The following CHN2 variants were observed in gnomAD, a reference collection of about 807,000 sequenced individuals.
CHN2 encodes the protein beta-chimaerin.
CHN2 carries 35 observed loss-of-function variants against 56.3 expected under a neutral mutation model. That is an observed-to-expected ratio of 0.62 (90% CI 0.47 to 0.82). CHN2 has a LOEUF of 0.82. Among genes scored for constraint, CHN2 ranks in the 40% least tolerant of loss-of-function variants. CHN2 has a pLI of 0.00. For synonymous variants in CHN2, 210 were observed against 212.8 expected (o/e 0.99, Z 0.12); for missense variants, 491 against 580.5 (o/e 0.85, Z 1.58).
intron 1 of CHN2, among the ~76,000 whole-genome samples, chr7:29,219,932 G>A (rs1030166975): frequency 6.6e-5 from 10 of 151,988 alleles, no homozygotes; most frequent in African/African-American, 2.4e-4. Context: ...AAAATTAGCT[G>A]GGCGTGGTGG....
chr7:29,450,952 G>C (rs558698349), intron 6 of CHN2, among the ~76,000 whole-genome samples: 27 of 151,984 alleles, frequency 1.8e-4, no homozygotes, highest in Admixed American at 7.2e-4. Context: ...TTTATTTTTA[G>C]TAGAGATAGG....
At chr7:29,374,847 TCCTG>T (rs762332699) in intron 3 of CHN2, among the ~76,000 whole-genome samples, 3 of 145,540 alleles carry the variant, frequency 2.1e-5, no homozygotes, top group Non-Finnish European at 3.0e-5. Flanking sequence ...CTTCCTTCCT[TCCTG>T]CCTCCCTCCC....
In CHN2 at chr7:29,420,572, A is replaced by T. The variant is rs376442917; in HGVS notation, c.576+19744A>T. Among the ~76,000 whole-genome samples the T allele has an allele frequency of 2.7e-4, 41 of 152,318 alleles. No homozygotes were observed. The South Asian group carries it at 8.5e-3, about 32-fold the overall frequency. Reference sequence around the variant, plus strand: ...TTTATACTAAGACAAATACTGTCTTAATATGAGGTATCTAAAGCAGTCATA... The same window carrying T: ...TTTATACTAAGACAAATACTGTCTTTATATGAGGTATCTAAAGCAGTCATA... On this transcript the variant is annotated intron_variant, in intron 6 of 12. Coordinates refer to ENST00000222792, the MANE Select transcript of CHN2 (RefSeq NM_004067.4).
intron 6 of CHN2, among the ~76,000 whole-genome samples, chr7:29,457,081 T>C (rs1784820640): frequency 6.6e-6 from 1 of 152,200 alleles, no homozygotes; most frequent in African/African-American, 2.4e-5. Flanking sequence ...CATTCTGAGC[T>C]GTGGAATAGA....
chr7:29,248,766 C>G (rs76060611), intron 1 of CHN2, among the ~76,000 whole-genome samples: 41 of 152,276 alleles, frequency 2.7e-4, no homozygotes, highest in African/African-American at 9.9e-4. Context: ...TTCTCAGGCT[C>G]TACTTTGAGA....
intron 1 of CHN2, among the ~76,000 whole-genome samples, chr7:29,316,918 T>C (rs1480581660): frequency 6.6e-6 from 1 of 152,208 alleles, no homozygotes; most frequent in Non-Finnish European, 1.5e-5. Flanking sequence ...AAATGTTTTA[T>C]TGCTACAAAA....
intron 1 of CHN2, among the ~76,000 whole-genome samples, chr7:29,200,348 C>T (rs1784052578): frequency 7.1e-6 from 1 of 141,634 alleles, no homozygotes; most frequent in Non-Finnish European, 1.5e-5. Flanking sequence ...CCCCCTCCCT[C>T]TTTTCTTCCC....
chr7:29,372,844 A>G (rs1169521572), intron 3 of CHN2, among the ~76,000 whole-genome samples: 1 of 152,246 alleles, frequency 6.6e-6, no homozygotes, highest in Non-Finnish European at 1.5e-5. Context: ...TTGAAAGTCA[A>G]GTTGCCCTAA....
chr7:29,224,060 G>A (rs1388121440), intron 1 of CHN2, among the ~76,000 whole-genome samples: 1 of 152,134 alleles, frequency 6.6e-6, no homozygotes, highest in East Asian at 1.9e-4. Context: ...CCAGACTGTT[G>A]AAAACACTGC....
chr7:29,452,116 G>A (rs1371306160), intron 6 of CHN2, among the ~76,000 whole-genome samples: 3 of 152,240 alleles, frequency 2.0e-5, no homozygotes, highest in Admixed American at 6.5e-5. Flanking sequence ...TTTCAAAAGA[G>A]AACATGCAGT....
In CHN2 at chr7:29,162,899, T is replaced by A. The variant is rs1180564265; in HGVS notation, c.274+15939T>A. ...TCCTGTATGTTGGTTGTGATTGTGCTTAAACAATTCTGTACATGTGATAAA... is the reference window on the plus strand; with the variant it reads ...TCCTGTATGTTGGTTGTGATTGTGCATAAACAATTCTGTACATGTGATAAA... On this transcript the variant is annotated intron_variant, in intron 2 of 6. Transcript: ENST00000439384. Among the ~76,000 whole-genome samples the A allele has an allele frequency of 2.0e-5, 3 of 152,196 alleles. No individual in the cohort carries two copies. In the East Asian group the frequency reaches 5.8e-4, roughly 29 times the overall value.
At chr7:29,370,960 T>C (rs958578037) in intron 3 of CHN2, among the ~76,000 whole-genome samples, 1 of 152,220 alleles carries the variant, frequency 6.6e-6, no homozygotes, top group Non-Finnish European at 1.5e-5. Context: ...ACTTTCTAGC[T>C]ACCTAACACA....
chr7:29,465,262 G>C (rs1352093119), intron 6 of CHN2, among the ~76,000 whole-genome samples: 1 of 152,220 alleles, frequency 6.6e-6, no homozygotes, highest in African/African-American at 2.4e-5. Flanking sequence ...GCAGGTCAGA[G>C]AGGGATTTCT....
chr7:29,351,127 A>T (rs75898720), intron 1 of CHN2, among the ~76,000 whole-genome samples: 1,607 of 151,730 alleles, frequency 0.011, 36 homozygotes, highest in African/African-American at 0.038. Context: ...AAAAAAAAAA[A>T]AAATTCCCAC....
chr7:29,399,348 C>G (rs1802017598), intron 5 of CHN2, among the ~76,000 whole-genome samples: 1 of 152,170 alleles, frequency 6.6e-6, no homozygotes, highest in Admixed American at 6.5e-5. Context: ...GGGGTTCTCT[C>G]AGGGTTCACC....
intron 7 of CHN2, among the ~76,000 whole-genome samples, chr7:29,488,930 A>G (rs1257209694): frequency 6.6e-6 from 1 of 152,228 alleles, no homozygotes; most frequent in African/African-American, 2.4e-5. Context: ...CAACTGCAGC[A>G]TGTCATAAAC....
intron 9 of CHN2, among the ~76,000 whole-genome samples, chr7:29,502,901 AC>A (rs989975170): frequency 6.6e-6 from 1 of 151,278 alleles, no homozygotes. Flanking sequence ...CTTCCCCTTG[AC>A]CCCCACCCTC....
chr7:29,264,598 A>C (rs1261553915), intron 1 of CHN2, among the ~76,000 whole-genome samples: 2 of 152,190 alleles, frequency 1.3e-5, no homozygotes, highest in Admixed American at 6.5e-5. Flanking sequence ...TTTGTTGAAC[A>C]GATGCTTGAA....
At chr7:29,417,497 G>A (rs940646884) in intron 6 of CHN2, among the ~76,000 whole-genome samples, 8 of 151,948 alleles carry the variant, frequency 5.3e-5, no homozygotes, top group Non-Finnish European at 8.8e-5. Context: ...CACCACGCCC[G>A]GCTAATTTTT....
Sources: allele counts gnomAD v4.1 joint callset (sites outside exome capture counted in the v4.1 genomes callset), GRCh38; gene constraint gnomAD v4.1.1; transcripts MANE v1.5; gene names NCBI Gene and HGNC (gene_info 2026-07-23, HGNC 2026-07-21).